The following MINK1 variants were observed in gnomAD, a reference collection of about 807,000 sequenced individuals.
MINK1 encodes the protein misshapen like kinase 1.
MINK1 carries 46 observed loss-of-function variants against 178.4 expected under a neutral mutation model. That is an observed-to-expected ratio of 0.26 (90% CI 0.20 to 0.33). The LOEUF is 0.33. MINK1 is among the 10% of genes least tolerant of loss of function. The pLI, the probability that MINK1 is intolerant of heterozygous loss-of-function variation, is 1.00. For synonymous variants in MINK1, 797 were observed against 709.7 expected, an observed-to-expected ratio of 1.12 and a Z score of -1.96; for missense variants, 1,366 against 1,814.9, an observed-to-expected ratio of 0.75 and a Z score of 4.49.
Position 4,897,513 on chromosome 17 carries a change from T to TG in MINK1, c.*230dup, listed in dbSNP as rs1969677975. The TG allele has an allele frequency of 3.8e-6, 2 of 525,874 alleles. No individual in the cohort carries two copies. The highest frequency in any genetic ancestry group is 6.8e-6 in the Non-Finnish European group (2 of 294,320). 32.6% of individuals were successfully genotyped at this position (525,874 alleles called of 1,614,324 possible). ...CAAAACTGTGCCTGTCCCCAGCTTC[T>TG]GGGGAGGGACACAGCTTCCCCTTCC... is the stretch of plus-strand genomic sequence containing the variant. On this transcript the variant is annotated 3_prime_UTR_variant, in exon 32 of 32. Transcript: ENST00000355280.
Position 4,890,718 on chromosome 17 carries a change from C to A in MINK1, c.1549C>A (p.Pro517Thr), listed in dbSNP as rs1968702555. The part of the protein sequence containing the change: ...YGRGMNPADK[P>T]AWAREVEERT... ...TCGGGGCATGAATCCCGCTGACAAACCAGCCTGGGCCCGAGAGGTACTCAC... is the reference window on the plus strand; with the variant it reads ...TCGGGGCATGAATCCCGCTGACAAAACAGCCTGGGCCCGAGAGGTACTCAC... The change falls in exon 14 of 32, where the codon CCA becomes ACA. Residue 517 changes from proline to threonine, a missense_variant. Transcript: ENST00000355280. 1 of 1,547,866 alleles carries A rather than the reference C, an allele frequency of 6.5e-7. No homozygotes were observed. Among genetic ancestry groups the A allele is most frequent in the East Asian group, 2.4e-5 (1 of 40,852 alleles).
intron 4 of MINK1, chr17:4,883,120 CAA>C (rs778705532): frequency 3.5e-4 from 36 of 101,674 alleles, no homozygotes; most frequent in Non-Finnish European, 3.3e-4. Flanking sequence ...GACCCTGTCT[CAA>C]AAAAAAAAAA....
intron 4 of MINK1, among the ~76,000 whole-genome samples, chr17:4,882,695 A>C (rs1967810630): frequency 6.6e-6 from 1 of 152,182 alleles, no homozygotes; most frequent in Non-Finnish European, 1.5e-5. Context: ...AAGCAGCAAT[A>C]GTCAGTACGT....
chr17:4,891,001 G>A lies in MINK1; in HGVS notation c.1617G>A (p.Lys539=). 1.3e-6 allele frequency: 2 copies of A among 1,560,676 alleles called. No individual in the cohort carries two copies. Among genetic ancestry groups the A allele is most frequent in the Non-Finnish European group, 8.7e-7 (1 of 1,152,414 alleles). ...AGCAGCAGAACTCTCCCTTGGCCAAGAGCAAGCCAGGCAGCACGGGGCCTG... is the reference window on the plus strand; with the variant it reads ...AGCAGCAGAACTCTCCCTTGGCCAAAAGCAAGCCAGGCAGCACGGGGCCTG... ...MNKQQNSPLA[K]SKPGSTGPEP... The change falls in exon 15 of 32, where the codon AAG becomes AAA. Residue 539 remains lysine, a synonymous_variant. Coordinates refer to ENST00000355280, the MANE Select transcript of MINK1 (RefSeq NM_153827.5).
chr17:4,881,267 G>GC lies in MINK1; in HGVS notation c.306+16dup. The GC allele has an allele frequency of 2.0e-6, 3 of 1,536,080 alleles. No individual in the cohort carries two copies. Among genetic ancestry groups the GC allele is most frequent in the South Asian group, 1.2e-5 (1 of 84,002 alleles). On this transcript the variant is annotated intron_variant, in intron 4 of 31. Transcript: ENST00000355280. Reference sequence around the variant, plus strand: ...CGATGACCAGCTCTGGGTGAGAAACGCCCCCCTGCCCGCCTTCCCTCCCCG... The same window carrying GC: ...CGATGACCAGCTCTGGGTGAGAAACGCCCCCCCTGCCCGCCTTCCCTCCCCG...
At chr17:4,878,194 C>A in intron 1 of MINK1, 123 bp from the exon 2 acceptor site, 1 of 769,256 alleles carries the variant, frequency 1.3e-6, no homozygotes, top group Non-Finnish European at 2.1e-6. Flanking sequence ...GTTCCTGCCA[C>A]GTGCCCTCCT....
At position 4,887,179 on chromosome 17, in the gene MINK1, G is replaced by A; in HGVS notation, c.1019G>A (p.Ser340Asn). The A allele has an allele frequency of 6.2e-7, 1 of 1,600,840 alleles. No individual in the cohort carries two copies. Among genetic ancestry groups the A allele is most frequent in the Non-Finnish European group, 8.5e-7 (1 of 1,173,986 alleles). Reference sequence around the variant, plus strand: ...AGCCATGGAGAGGAAGGAGAGCCAAGGTAGGCCTGGCAGGTGGAGTGGGGG... The same window carrying A: ...AGCCATGGAGAGGAAGGAGAGCCAAAGTAGGCCTGGCAGGTGGAGTGGGGG... ...DDSHGEEGEP[S>N]SIMNVPGEST... Residue 340 changes from serine to asparagine, a missense_variant and splice_region_variant, in exon 11 of 32, where the codon AGC becomes AAC. Ser to Asn is a conservative substitution (Grantham distance 46, BLOSUM62 1). Coordinates refer to ENST00000355280, the MANE Select transcript of MINK1 (RefSeq NM_153827.5). This position sits in a 1 kb window ranked among gnomAD's most constrained non-coding sequence, Gnocchi z 7.6.
At chr17:4,866,904 T>C (rs1404508990) in intron 1 of MINK1, among the ~76,000 whole-genome samples, 1 of 151,762 alleles carries the variant, frequency 6.6e-6, no homozygotes, top group African/African-American at 2.4e-5. Context: ...AAACCCCATC[T>C]CTACTAAAAA....
intron 1 of MINK1, among the ~76,000 whole-genome samples, chr17:4,849,981 C>T (rs115795101): frequency 0.01 from 1,584 of 152,220 alleles, 22 homozygotes; most frequent in African/African-American, 0.036. Context: ...CTGTCTCCCT[C>T]TGTCATCCAG....
chr17:4,897,386 T>C lies in MINK1; in HGVS notation c.*99T>C. On this transcript the variant is annotated 3_prime_UTR_variant, in exon 32 of 32. Coordinates refer to ENST00000355280, the MANE Select transcript of MINK1 (RefSeq NM_153827.5). ...TCTTTCCCCTCCCTGGGCTTTTGCT[T>C]TTACTGGTTTGATTTCACTGGAGCC... is the stretch of plus-strand genomic sequence containing the variant. The C allele has an allele frequency of 8.8e-7, 1 of 1,132,048 alleles. No individual in the cohort carries two copies. The highest frequency in any genetic ancestry group is 1.4e-5 in the South Asian group (1 of 72,624). 70.1% of individuals were successfully genotyped at this position (1,132,048 alleles called of 1,614,324 possible). A position where few individuals can be genotyped will look rare whatever the true frequency, so the allele number is the denominator to read the frequency against.
chr17:4,891,766 GAGA>G (rs766928151), intron 16 of MINK1, 50 bp downstream of exon 16: 65 of 1,545,524 alleles, frequency 4.2e-5, no homozygotes, highest in African/African-American at 9.5e-5. Flanking sequence ...TAGTCATGAA[GAGA>G]AGGAGGGCAG....
chr17:4,884,305 G>A, intron 4 of MINK1, 58 bp from the exon 5 acceptor site: 8 of 1,363,580 alleles, frequency 5.9e-6, no homozygotes, highest in Non-Finnish European at 8.4e-6. Context: ...ATTGGGGCAG[G>A]GGTGGGAGGG....
chr17:4,889,446 G>A (rs1006059797), intron 12 of MINK1, among the ~76,000 whole-genome samples: 1 of 152,096 alleles, frequency 6.6e-6, no homozygotes, highest in Admixed American at 6.5e-5. Context: ...AGCCTCTCTC[G>A]TCACAGCTAC....
chr17:4,854,415 C>T (rs1165748865), intron 1 of MINK1, among the ~76,000 whole-genome samples: 1 of 152,186 alleles, frequency 6.6e-6, no homozygotes, highest in Non-Finnish European at 1.5e-5. Context: ...AGCAAAATTA[C>T]CCTTTGAGAG....
rs924103225 is a variant in MINK1 at position 4,886,680 on chromosome 17, C to T, written c.949+54C>T. 1 of 1,486,956 alleles carries T rather than the reference C, an allele frequency of 6.7e-7. No individual in the cohort carries two copies. Among genetic ancestry groups the T allele is most frequent in the African/African-American group, 1.4e-5 (1 of 71,040 alleles). 92.1% of individuals were successfully genotyped at this position (1,486,956 alleles called of 1,614,324 possible). ...ACTAGGGGACACTCCAGCCTGGCTC[C>T]TCTCTGCCAGCCCTGCTCGCTCCTG... On this transcript the variant is annotated intron_variant, in intron 10 of 31. Transcript: ENST00000355280. This position sits in a 1 kb window ranked among gnomAD's most constrained non-coding sequence, Gnocchi z 6.1.
chr17:4,877,239 CGA>C (rs1422826397), intron 1 of MINK1, among the ~76,000 whole-genome samples: 2 of 152,140 alleles, frequency 1.3e-5, no homozygotes, highest in Non-Finnish European at 2.9e-5. Flanking sequence ...GGTGGCCTCC[CGA>C]CCGCAGCTGT....
intron 2 of MINK1, among the ~76,000 whole-genome samples, chr17:4,880,626 G>A (rs1483832082): frequency 6.7e-6 from 1 of 149,392 alleles, no homozygotes; most frequent in African/African-American, 2.4e-5. Flanking sequence ...CGGGCCGGGC[G>A]CGGTGGCTCA....
intron 1 of MINK1, among the ~76,000 whole-genome samples, chr17:4,839,276 C>T (rs1462186658): frequency 6.6e-6 from 1 of 152,168 alleles, no homozygotes; most frequent in East Asian, 1.9e-4. Flanking sequence ...CTGTTTTCCT[C>T]AATATCCTGC....
chr17:4,877,672 G>C (rs1276270844), intron 1 of MINK1, among the ~76,000 whole-genome samples: 1 of 151,004 alleles, frequency 6.6e-6, no homozygotes, highest in Non-Finnish European at 1.5e-5. Flanking sequence ...TAAAATGTGA[G>C]TACCAACCCC....
Sources: allele counts gnomAD v4.1 joint callset (sites outside exome capture counted in the v4.1 genomes callset), GRCh38; gene constraint gnomAD v4.1.1; non-coding constraint Gnocchi (gnomAD v3.1); transcripts MANE v1.5; gene names NCBI Gene and HGNC (gene_info 2026-07-23, HGNC 2026-07-21).